The following TIAM1 variants were observed in gnomAD, a reference collection of about 807,000 sequenced individuals.
TIAM1 encodes the protein TIAM Rac1 associated GEF 1, also known as rho guanine nucleotide exchange factor TIAM1.
Under a neutral mutation model 163.5 loss-of-function variants are expected in TIAM1, and 65 were observed. That is an observed-to-expected ratio of 0.40 (90% confidence interval 0.33 to 0.49). TIAM1 has a LOEUF of 0.49. TIAM1 is among the 20% of genes least tolerant of loss of function. The pLI, the probability that TIAM1 is intolerant of heterozygous loss-of-function variation, is 0.77. For synonymous variants in TIAM1, 833 were observed against 810.1 expected (o/e 1.03, Z -0.48); for missense variants, 1,789 against 2,044.7 (o/e 0.87, Z 2.41).
intron 2 of TIAM1, among the ~76,000 whole-genome samples, chr21:31,302,271 T>C (rs2074536780): frequency 6.6e-6 from 1 of 152,198 alleles, no homozygotes; most frequent in South Asian, 2.1e-4. Context: ...CCACTTCCAG[T>C]ATATTAGTCT....
chr21:31,508,510 T>C (rs1378136629), intron 1 of TIAM1, among the ~76,000 whole-genome samples: 5 of 151,214 alleles, frequency 3.3e-5, no homozygotes, highest in Admixed American at 2.0e-4. Flanking sequence ...TGCCTCAGCC[T>C]CCTAAGTAGC....
At chr21:31,214,806 C>T (rs73899691) in intron 9 of TIAM1, among the ~76,000 whole-genome samples, 4,817 of 151,856 alleles carry the variant, frequency 0.032, 259 homozygotes, top group African/African-American at 0.11. Context: ...AACTTTTTTT[C>T]GGTAGAGAAA....
chr21:31,374,793 T>C lies in TIAM1; in HGVS notation c.-368-35371A>G, dbSNP rs1010465818. ...CAGCTTCTAGGACCAAAGCGACAAC[T>C]AGCCAACTGATAATTTTGGAATATA... On this transcript the variant is annotated intron_variant, in intron 2 of 28. Transcript: ENST00000286827. 1.2e-4 allele frequency among the ~76,000 whole-genome samples: 18 copies of C among 152,206 alleles called. 1 individual carries two copies. Among genetic ancestry groups the C allele is most frequent in the Admixed American group, 9.8e-4 (15 of 15,276 alleles).
chr21:31,533,564 C>T (rs75987445), intron 1 of TIAM1, among the ~76,000 whole-genome samples: 2,974 of 152,002 alleles, frequency 0.02, 45 homozygotes, highest in Non-Finnish European at 0.025. Context: ...GACAAGCCCA[C>T]TTACAAAAAT....
intron 8 of TIAM1, among the ~76,000 whole-genome samples, chr21:31,219,236 G>A (rs8134588): frequency 0.031 from 4,702 of 152,044 alleles, 243 homozygotes; most frequent in African/African-American, 0.11. Context: ...CTACCAGGTG[G>A]CAAGCAAAGT....
intron 2 of TIAM1, among the ~76,000 whole-genome samples, chr21:31,453,816 G>A (rs76006098): frequency 3.9e-5 from 6 of 152,098 alleles, no homozygotes; most frequent in Non-Finnish European, 7.3e-5. Context: ...AAAGAGGGGG[G>A]AAATAATTGT....
intron 14 of TIAM1, among the ~76,000 whole-genome samples, chr21:31,185,904 C>A (rs2085281683): frequency 6.6e-6 from 1 of 152,010 alleles, no homozygotes; most frequent in South Asian, 2.1e-4. Context: ...CACCAGAAAC[C>A]AGAAGGAGGC....
intron 2 of TIAM1, among the ~76,000 whole-genome samples, chr21:31,454,532 T>C (rs1217591756): frequency 6.6e-6 from 1 of 151,868 alleles, no homozygotes; most frequent in Non-Finnish European, 1.5e-5. Context: ...CTGAGTGGGG[T>C]GTCCAACCCA....
intron 19 of TIAM1, among the ~76,000 whole-genome samples, chr21:31,152,416 T>G (rs2083421833): frequency 6.6e-6 from 1 of 152,184 alleles, no homozygotes; most frequent in South Asian, 2.1e-4. Context: ...TTGGTACTTC[T>G]TCTCACGTAA....
chr21:31,203,892 G>C (rs2086326918), intron 11 of TIAM1, among the ~76,000 whole-genome samples: 2 of 152,218 alleles, frequency 1.3e-5, no homozygotes, highest in East Asian at 3.8e-4. Context: ...TCCAGGGGCA[G>C]TGCTAATAGG....
intron 25 of TIAM1, 53 bp downstream of exon 25, chr21:31,130,160 C>T: frequency 7.2e-7 from 1 of 1,392,656 alleles, no homozygotes; most frequent in Non-Finnish European, 1.0e-6. Context: ...CAAATAATTC[C>T]TACACACATC....
At chr21:31,155,712 G>A (rs575794842) in intron 16 of TIAM1, among the ~76,000 whole-genome samples, 8 of 152,038 alleles carry the variant, frequency 5.3e-5, no homozygotes, top group Admixed American at 5.2e-4. Flanking sequence ...CAACATGTTG[G>A]CCAGGATGGT....
rs184146552 is a variant in TIAM1, at chr21:31,174,041, G to A, written c.2887+8380C>T. Among the ~76,000 whole-genome samples the A allele has an allele frequency of 7.8e-4, 119 of 152,284 alleles. 1 individual carries two copies. Among genetic ancestry groups the A allele is most frequent in the Middle Eastern group, 3.4e-3 (1 of 294 alleles). On this transcript the variant is annotated intron_variant, in intron 15 of 27. Transcript: ENST00000541036. ...AAATGTTATCGACAAACAAACAGAG[G>A]ACCATGTGCTGCCGGGTATCTGTGA... is the stretch of plus-strand genomic sequence containing the variant.
At chr21:31,343,003 A>T (rs1036584196) in intron 1 of TIAM1, among the ~76,000 whole-genome samples, 1 of 152,184 alleles carries the variant, frequency 6.6e-6, no homozygotes, top group Admixed American at 6.5e-5. Context: ...CATTTTCCTG[A>T]TTGTACCCAC....
intron 1 of TIAM1, among the ~76,000 whole-genome samples, chr21:31,531,300 T>C (rs1468091402): frequency 1.3e-5 from 2 of 152,120 alleles, no homozygotes; most frequent in Non-Finnish European, 2.9e-5. Flanking sequence ...GCTCCAACTG[T>C]AGGGTTGGCC....
At chr21:31,394,728 T>TCTCTCACACACA (rs1279053911) in intron 2 of TIAM1, among the ~76,000 whole-genome samples, 18 of 95,722 alleles carry the variant, frequency 1.9e-4, no homozygotes, top group Non-Finnish European at 3.0e-4. Context: ...TCTCTCTCTC[T>TCTCTCACACACA]CACACACACA....
intron 2 of TIAM1, among the ~76,000 whole-genome samples, chr21:31,399,558 T>C (rs2077129666): frequency 6.6e-6 from 1 of 152,192 alleles, no homozygotes; most frequent in Non-Finnish European, 1.5e-5. Flanking sequence ...AAGTTTCTAT[T>C]GCTCACAGCA....
Position 31,266,521 on chromosome 21 carries a change from G to A in TIAM1, c.452C>T (p.Ser151Phe), listed in dbSNP as rs1237303081. Residue 151 changes from serine to phenylalanine, a missense_variant, in exon 4 of 28, where the codon TCC (serine) becomes TTC (phenylalanine). Physicochemically the swap from Ser to Phe is radical, Grantham distance 155 (BLOSUM62 -2). This residue lies in a region of TIAM1 where 555 missense variants were observed against 564.9 expected (regional missense o/e 0.98). Transcript: ENST00000541036. ...YLAEGGRRQH[S>F]YTSNGPTFME... ...GAAAGTGGGCCCATTGGATGTATAG[G>A]AATGCTGCCTCCTGCCTCCCTCAGC... The A allele has an allele frequency of 6.2e-7, 1 of 1,613,970 alleles. No homozygotes were observed. The highest frequency in any genetic ancestry group is 1.3e-5 in the African/African-American group (1 of 74,916).
chr21:31,144,822 C>G (rs1165761810), intron 20 of TIAM1, among the ~76,000 whole-genome samples: 1 of 113,442 alleles, frequency 8.8e-6, no homozygotes, highest in Non-Finnish European at 1.7e-5. Context: ...GAGTGAGACT[C>G]CATCTCAGAA....
Sources: gnomAD v4.1 joint callset for allele counts (sites outside exome capture counted in the v4.1 genomes callset) on GRCh38, gnomAD v4.1.1 for gene constraint, gnomAD v4.1.1 regional missense constraint, MANE v1.5 for transcripts, NCBI Gene and HGNC (gene_info 2026-07-23, HGNC 2026-07-21) for gene names.